PLXNA2: variants seen among roughly 807,000 people sequenced by gnomAD.
PLXNA2 encodes plexin-A2.
PLXNA2 carries 91 observed loss-of-function variants against 193.5 expected under a neutral mutation model. The ratio of observed to expected loss-of-function variants is 0.47; its 90% CI spans 0.40 to 0.56. The LOEUF (loss-of-function observed/expected upper bound fraction) is 0.56. Ranked by LOEUF, PLXNA2 falls within the 20% of genes least tolerant of loss-of-function variation. The pLI is 0.00. For missense variants in PLXNA2, 1,995 were observed against 2,503.2 expected (o/e 0.80, Z 4.33); for synonymous variants, 997 against 1,027.3 (o/e 0.97, Z 0.56).
chr1:208,154,071 C>G (rs1004648433), intron 3 of PLXNA2, among the ~76,000 whole-genome samples: 1 of 152,148 alleles, frequency 6.6e-6, no homozygotes, highest in Non-Finnish European at 1.5e-5. Context: ...TCTGCTTGTT[C>G]TTCCATGGAC....
chr1:208,111,052 C>CTAAGGGATT (rs1667456923), intron 4 of PLXNA2, among the ~76,000 whole-genome samples: 2 of 151,940 alleles, frequency 1.3e-5, no homozygotes, highest in African/African-American at 4.8e-5. Context: ...GAAAGATTCC[C>CTAAGGGATT]TAAGGGATTT....
chr1:208,123,216 G>A (rs898158450), intron 4 of PLXNA2, among the ~76,000 whole-genome samples: 1 of 152,252 alleles, frequency 6.6e-6, no homozygotes, highest in African/African-American at 2.4e-5. Flanking sequence ...TGTTTTCAAG[G>A]TTCATCCATA....
At chr1:208,099,887 G>A (rs1667036991) in intron 5 of PLXNA2, among the ~76,000 whole-genome samples, 3 of 151,896 alleles carry the variant, frequency 2.0e-5, no homozygotes, top group Non-Finnish European at 2.9e-5. Flanking sequence ...ACTCTTTACA[G>A]CACTGTGGGA....
intron 8 of PLXNA2, among the ~76,000 whole-genome samples, chr1:208,095,662 A>T (rs1000662885): frequency 2.0e-5 from 3 of 152,040 alleles, no homozygotes; most frequent in Non-Finnish European, 4.4e-5. Flanking sequence ...TGTGGGTGAC[A>T]TGTCCATACT....
chr1:208,163,745 T>C (rs1571985567), intron 3 of PLXNA2, among the ~76,000 whole-genome samples: 1 of 152,208 alleles, frequency 6.6e-6, no homozygotes, highest in South Asian at 2.1e-4. Flanking sequence ...TGGCCAGCCA[T>C]GTAATAAGCA....
chr1:208,157,950 C>T (rs1668989558), intron 3 of PLXNA2, among the ~76,000 whole-genome samples: 2 of 152,342 alleles, frequency 1.3e-5, no homozygotes, highest in South Asian at 2.1e-4. Flanking sequence ...AGGAGCCCAG[C>T]GGAGTCCAAG....
At chr1:208,096,380 G>A (rs1666887975) in intron 7 of PLXNA2, among the ~76,000 whole-genome samples, 1 of 152,096 alleles carries the variant, frequency 6.6e-6, no homozygotes, top group African/African-American at 2.4e-5. Context: ...CCTTGCCTTT[G>A]TCAGTCATGT....
At chr1:208,150,674 T>C (rs1388495544) in intron 3 of PLXNA2, among the ~76,000 whole-genome samples, 1 of 151,894 alleles carries the variant, frequency 6.6e-6, no homozygotes, top group Non-Finnish European at 1.5e-5. Context: ...CAGACAAGGG[T>C]GGATGAGGAT....
At chr1:208,047,279 T>A (rs941733245) in intron 17 of PLXNA2, among the ~76,000 whole-genome samples, 3 of 91,738 alleles carry the variant, frequency 3.3e-5, no homozygotes, top group African/African-American at 1.1e-4. Flanking sequence ...ATGTTTTATG[T>A]AGGACCTCTC....
intron 29 of PLXNA2, 154 bp downstream of exon 29, chr1:208,031,436 G>C: frequency 7.7e-7 from 1 of 1,298,342 alleles, no homozygotes; most frequent in Non-Finnish European, 1.0e-6. Flanking sequence ...GGGCTCTGCA[G>C]AGCATATGTG....
intron 24 of PLXNA2, 23 bp downstream of exon 24, chr1:208,039,598 C>T (rs776918689): frequency 3.9e-5 from 63 of 1,612,130 alleles, no homozygotes; most frequent in Non-Finnish European, 6.8e-6. Flanking sequence ...CACAGGCGGG[C>T]CCGGAGCTTC....
chr1:208,031,476 C>G, intron 29 of PLXNA2, 114 bp downstream of exon 29: 1 of 1,420,260 alleles, frequency 7.0e-7, no homozygotes, highest in Non-Finnish European at 9.7e-7. Flanking sequence ...TTTGGATCAC[C>G]CAGCCCCAGC....
chr1:208,180,338 C>T (rs954728990), intron 3 of PLXNA2, among the ~76,000 whole-genome samples: 2 of 151,978 alleles, frequency 1.3e-5, no homozygotes, highest in African/African-American at 4.8e-5. Flanking sequence ...AGAGGGGCTC[C>T]GGTAGGAGGC....
intron 3 of PLXNA2, among the ~76,000 whole-genome samples, chr1:208,155,702 C>T (rs633000): frequency 0.28 from 42,655 of 152,094 alleles, 6,952 homozygotes; most frequent in Non-Finnish European, 0.37. Context: ...GCCCAACACC[C>T]GGCTGCACTG....
intron 3 of PLXNA2, among the ~76,000 whole-genome samples, chr1:208,165,067 T>A (rs1669257110): frequency 1.3e-5 from 2 of 152,208 alleles, no homozygotes; most frequent in African/African-American, 4.8e-5. Context: ...GGCAAAGGCC[T>A]GTGGAGATGG....
At chr1:208,218,533 C>T (rs897279450) in intron 1 of PLXNA2, among the ~76,000 whole-genome samples, 1 of 152,244 alleles carries the variant, frequency 6.6e-6, no homozygotes, top group Non-Finnish European at 1.5e-5. Context: ...TGCATCTCTT[C>T]ACTTTCTCAT....
intron 3 of PLXNA2, among the ~76,000 whole-genome samples, chr1:208,151,980 C>G (rs1052589242): frequency 6.6e-6 from 1 of 152,222 alleles, no homozygotes; most frequent in Non-Finnish European, 1.5e-5. Flanking sequence ...GCTGTCTCCT[C>G]CACTGTGACA....
At chr1:208,220,055 C>A (rs1381441431) in intron 1 of PLXNA2, among the ~76,000 whole-genome samples, 1 of 152,194 alleles carries the variant, frequency 6.6e-6, no homozygotes, top group African/African-American at 2.4e-5. Flanking sequence ...GCCCCTGTCG[C>A]TGGGAAGAAA....
chr1:208,227,710 G>C lies in PLXNA2; in HGVS notation c.-80-9708C>G, dbSNP rs148706850. Among the ~76,000 whole-genome samples the C allele has an allele frequency of 5.1e-3, 784 of 152,284 alleles. 8 individuals carry two copies. The highest frequency in any genetic ancestry group is 8.6e-3 in the Non-Finnish European group (586 of 68,022). On this transcript the variant is annotated intron_variant, in intron 1 of 31. Coordinates refer to ENST00000367033, the MANE Select transcript of PLXNA2 (RefSeq NM_025179.4). ...ACCAGGTGGAATCCAGGGGTGTTTT[G>C]TGGCAGGAGCTTTGCTAGCTTGGCA...
Sources: allele counts gnomAD v4.1 joint callset (sites outside exome capture counted in the v4.1 genomes callset), GRCh38; gene constraint gnomAD v4.1.1; transcripts MANE v1.5; gene names NCBI Gene and HGNC (gene_info 2026-07-23, HGNC 2026-07-21).